Variants in DNAH11 observed in about 807,000 individuals in gnomAD.
DNAH11 encodes axonemal beta dynein heavy chain 11.
A neutral mutation model predicts 526.0 loss-of-function variants in DNAH11; 442 were observed. The observed-to-expected ratio is 0.84, with a 90% CI of 0.78 to 0.91. The LOEUF (loss-of-function observed/expected upper bound fraction) is 0.91. Among genes scored for constraint, DNAH11 ranks in the 40% least tolerant of loss-of-function variants. The pLI, the probability that DNAH11 is intolerant of heterozygous loss-of-function variation, is 0.00. For missense variants in DNAH11, 6,989 were observed against 5,448.7 expected (o/e 1.28, Z -8.90); for synonymous variants, 2,461 against 1,935.9 (o/e 1.27, Z -7.12).
chr7:21,566,818 A>T (rs1290994982), intron 6 of DNAH11, among the ~76,000 whole-genome samples: 1 of 152,062 alleles, frequency 6.6e-6, no homozygotes, highest in Admixed American at 6.6e-5. Context: ...GAGTTTTATC[A>T]CTCTATTATT....
rs1562669528 is a variant in DNAH11, at chr7:21,571,947, T to TA, written c.1568dup (p.Tyr523Ter). 6.3e-7 allele frequency: 1 copy of TA among 1,588,680 alleles called. No homozygotes were observed. Among genetic ancestry groups the TA allele is most frequent in the South Asian group, 1.2e-5 (1 of 85,178 alleles). The change falls in exon 8 of 82, where the codon TAT becomes TAAT. Residue 523 changes from tyrosine (Y) to a stop codon, truncating the protein, a stop_gained and frameshift_variant. Coordinates refer to ENST00000409508, the MANE Select transcript of DNAH11 (RefSeq NM_001277115.2). LOFTEE classifies it high-confidence loss of function. The part of the protein sequence containing the change: ...ELCKLFKQST[Y>*]DPSDCTNMEF... ...CTGTAAACTTTTTAAACAGAGCACT[T>TA]ATGACCCATCTGATTGCACTAACAT...
chr7:21,811,960 A>T (rs1475275181), intron 63 of DNAH11, among the ~76,000 whole-genome samples: 1 of 152,156 alleles, frequency 6.6e-6, no homozygotes, highest in Admixed American at 6.5e-5. Context: ...CTCCAAAGAC[A>T]TATCACCATC....
rs1784471410 is a variant in DNAH11 at position 21,711,742 on chromosome 7, G to T, written c.6865G>T (p.Ala2289Ser). Reference sequence around the variant, plus strand: ...GACCCTCGCCAGCAATGAGCGCATTGCACTCACTCCCTTCATGAGGCTTCT... The same window carrying T: ...GACCCTCGCCAGCAATGAGCGCATTTCACTCACTCCCTTCATGAGGCTTCT... ...VLTLASNERI[A>S]LTPFMRLLFE... Residue 2289 changes from alanine to serine, a missense_variant, in exon 42 of 82, where the codon GCA becomes TCA. Ala to Ser is a moderately conservative substitution (Grantham distance 99). Transcript: ENST00000409508. 1 of 1,613,646 alleles carries T rather than the reference G, an allele frequency of 6.2e-7. No homozygotes were observed.
At chr7:21,693,083 A>T (rs559669705) in intron 35 of DNAH11, among the ~76,000 whole-genome samples, 13 of 152,332 alleles carry the variant, frequency 8.5e-5, no homozygotes, top group African/African-American at 3.1e-4. Context: ...CATCAAAGAT[A>T]GAAGTTTTAA....
intron 55 of DNAH11, among the ~76,000 whole-genome samples, chr7:21,769,024 A>G (rs1439387251): frequency 1.3e-5 from 2 of 152,194 alleles, no homozygotes; most frequent in Non-Finnish European, 2.9e-5. Context: ...AATTAGGATT[A>G]TTCAATATGA....
At chr7:21,853,894 A>G (rs1190045013) in intron 67 of DNAH11, among the ~76,000 whole-genome samples, 4 of 152,182 alleles carry the variant, frequency 2.6e-5, no homozygotes, top group Non-Finnish European at 5.9e-5. Flanking sequence ...ATTGACCTTG[A>G]CTGCTTTTGT....
chr7:21,570,612 C>T, intron 7 of DNAH11: 1 of 206,512 alleles, frequency 4.8e-6, no homozygotes, highest in Non-Finnish European at 9.6e-6. Flanking sequence ...GCAGTAAGCT[C>T]ATCCTCTGTA....
In DNAH11 at chr7:21,591,212, C is replaced by A. The variant is rs1259741113; in HGVS notation, c.2302C>A (p.Gln768Lys). The A allele has an allele frequency of 6.4e-7, 1 of 1,554,270 alleles. No homozygotes were observed. Among genetic ancestry groups the A allele is most frequent in the Non-Finnish European group, 8.7e-7 (1 of 1,154,748 alleles). ...KYIGNLDLLV[Q>K]GYNKLKQTLL... ...CATTGGAAATCTTGACCTTCTTGTG[C>A]AAGGGTATAATAAACTCAAACAGAC... is the stretch of plus-strand genomic sequence containing the variant. Residue 768 changes from glutamine to lysine, a missense_variant, in exon 14 of 82, where the codon CAA becomes AAA. Coordinates refer to ENST00000409508, the MANE Select transcript of DNAH11 (RefSeq NM_001277115.2).
Position 21,779,105 on chromosome 7 carries a change from G to T in DNAH11, c.9483+1G>T, listed in dbSNP as rs377682029. 1 of 1,611,490 alleles carries T rather than the reference G, an allele frequency of 6.2e-7. No individual in the cohort carries two copies. The highest frequency in any genetic ancestry group is 1.1e-5 in the South Asian group (1 of 90,934). ...CATCGCTGATGCTGAGGAGCGAAAG[G>T]TCAGGCTAATTCCAACATTTAGAGT... On this transcript the variant is annotated splice_donor_variant, in intron 57 of 81. Transcript: ENST00000409508. LOFTEE classifies it high-confidence loss of function.
chr7:21,721,724 A>T (rs1784881770), intron 44 of DNAH11, among the ~76,000 whole-genome samples: 1 of 152,110 alleles, frequency 6.6e-6, no homozygotes, highest in African/African-American at 2.4e-5. Context: ...ACCAAATATC[A>T]TCACACTGTG....
chr7:21,646,334 C>T (rs534751485), intron 28 of DNAH11, among the ~76,000 whole-genome samples: 16 of 152,250 alleles, frequency 1.1e-4, no homozygotes, highest in Admixed American at 2.0e-4. Flanking sequence ...GCTTTCTAGA[C>T]GCTGGACATC....
At chr7:21,718,903 C>G (rs1784773073) in intron 43 of DNAH11, among the ~76,000 whole-genome samples, 1 of 152,146 alleles carries the variant, frequency 6.6e-6, no homozygotes, top group Admixed American at 6.5e-5. Context: ...TAGTCTTCAA[C>G]AGTAATTATC....
chr7:21,558,885 A>G lies in DNAH11; in HGVS notation c.579A>G (p.Glu193=), dbSNP rs534397062. Residue 193 remains glutamate, a synonymous_variant, in exon 3 of 82, where the codon GAA becomes GAG. Coordinates refer to ENST00000409508, the MANE Select transcript of DNAH11 (RefSeq NM_001277115.2). The part of the protein sequence containing the change: ...FTSQDMEYHI[E]VMKKKMYIFR... ...CACAAGATATGGAATATCACATAGA[A>G]GTCATGAAAAAGAAGATGTATATTT... The G allele has an allele frequency of 7.5e-6, 12 of 1,607,658 alleles. No homozygotes were observed. Among genetic ancestry groups the G allele is most frequent in the African/African-American group, 6.7e-5 (5 of 74,980 alleles).
chr7:21,663,045 G>T (rs1313303249), intron 30 of DNAH11, among the ~76,000 whole-genome samples: 1 of 151,998 alleles, frequency 6.6e-6, no homozygotes, highest in Non-Finnish European at 1.5e-5. Context: ...TGTACACATT[G>T]TTTAGCTCCC....
intron 6 of DNAH11, among the ~76,000 whole-genome samples, chr7:21,565,468 C>T (rs1356180140): frequency 6.6e-6 from 1 of 152,162 alleles, no homozygotes; most frequent in African/African-American, 2.4e-5. Flanking sequence ...TGCTCAATTT[C>T]CCTGAGCAGT....
intron 42 of DNAH11, among the ~76,000 whole-genome samples, chr7:21,716,754 C>T (rs1480203788): frequency 1.3e-5 from 2 of 152,206 alleles, no homozygotes; most frequent in African/African-American, 4.8e-5. Flanking sequence ...TATCAGGCTA[C>T]TCTTATGCAA....
intron 31 of DNAH11, 140 bp downstream of exon 31, chr7:21,681,817 G>T (rs747839431): frequency 1.5e-5 from 16 of 1,082,620 alleles, no homozygotes; most frequent in Non-Finnish European, 2.3e-5. Context: ...TGTTTGTCTT[G>T]GGTGCATTTG....
chr7:21,573,766 T>C (rs930767062), intron 8 of DNAH11, among the ~76,000 whole-genome samples: 1 of 152,190 alleles, frequency 6.6e-6, no homozygotes, highest in Non-Finnish European at 1.5e-5. Context: ...CACCCCCATG[T>C]TCCTGCTCCT....
intron 8 of DNAH11, among the ~76,000 whole-genome samples, chr7:21,577,262 A>G (rs778197203): frequency 2.0e-5 from 3 of 152,206 alleles, no homozygotes; most frequent in Admixed American, 2.0e-4. Context: ...CACTCTAGCC[A>G]AACACCATGG....
Sources: gnomAD v4.1 joint callset for allele counts (sites outside exome capture counted in the v4.1 genomes callset) on GRCh38, gnomAD v4.1.1 for gene constraint, MANE v1.5 for transcripts, NCBI Gene and HGNC (gene_info 2026-07-23, HGNC 2026-07-21) for gene names.